AGBL4: variants seen among roughly 807,000 people sequenced by gnomAD.
AGBL4 encodes AGBL carboxypeptidase 4, also known as cytosolic carboxypeptidase 6.
In AGBL4, 58 loss-of-function variants were observed where a neutral mutation model predicts 66.4. The observed-to-expected ratio is 0.87, with a 90% CI of 0.71 to 1.09. The LOEUF is 1.09. Among genes scored for constraint, AGBL4 ranks in the 50% least tolerant of loss-of-function variants. The pLI, the probability that AGBL4 is intolerant of heterozygous loss-of-function variation, is 0.00. For missense variants in AGBL4, 579 were observed against 631.0 expected (o/e 0.92, Z 0.88); for synonymous variants, 234 against 222.9 (o/e 1.05, Z -0.44).
chr1:49,552,631 T>C (rs769251723), intron 3 of AGBL4, among the ~76,000 whole-genome samples: 3 of 152,230 alleles, frequency 2.0e-5, no homozygotes, highest in Non-Finnish European at 4.4e-5. Flanking sequence ...ACCTTCACAG[T>C]TGTGGTACTC....
At chr1:49,896,781 C>T (rs557615224) in intron 1 of AGBL4, among the ~76,000 whole-genome samples, 11 of 152,018 alleles carry the variant, frequency 7.2e-5, no homozygotes, top group Non-Finnish European at 1.3e-4. Flanking sequence ...GGATTTCTCC[C>T]TGGGAAGCAA....
intron 5 of AGBL4, among the ~76,000 whole-genome samples, chr1:49,010,566 C>T (rs1470733523): frequency 3.6e-5 from 5 of 139,526 alleles, no homozygotes; most frequent in Admixed American, 3.0e-4. Flanking sequence ...GAGCTCGCAT[C>T]GCCAAGTCAA....
At chr1:49,231,554 A>G (rs1046743218) in intron 4 of AGBL4, among the ~76,000 whole-genome samples, 14 of 152,200 alleles carry the variant, frequency 9.2e-5, no homozygotes, top group Admixed American at 8.5e-4. Flanking sequence ...TCTTTGGGAG[A>G]TGCAGAAAGT....
In AGBL4 at chr1:49,323,763, C is replaced by T. The variant is rs1231801901; in HGVS notation, c.283-77899G>A. On this transcript the variant is annotated intron_variant, in intron 3 of 13. Transcript: ENST00000371839. ...CAGCCTGGGTGGCAGAGCGAGGCCC[C>T]GTTTCAGAAAAAAAAAAAAAGCCCC... Among the ~76,000 whole-genome samples the T allele has an allele frequency of 5.4e-5, 8 of 149,160 alleles. 1 individual carries two copies. The highest frequency in any genetic ancestry group is 1.7e-4 in the African/African-American group (7 of 40,082).
At chr1:49,539,592 G>T (rs1011007728) in intron 3 of AGBL4, among the ~76,000 whole-genome samples, 2 of 152,084 alleles carry the variant, frequency 1.3e-5, no homozygotes, top group Non-Finnish European at 2.9e-5. Flanking sequence ...CTTCCTACTG[G>T]ATTACTCAGG....
At chr1:48,762,296 C>T (rs533740620) in intron 6 of AGBL4, among the ~76,000 whole-genome samples, 15 of 152,314 alleles carry the variant, frequency 9.8e-5, no homozygotes, top group African/African-American at 3.6e-4. Flanking sequence ...ATTCTTTAAG[C>T]TCAACCTAAG....
intron 3 of AGBL4, among the ~76,000 whole-genome samples, chr1:49,335,821 C>A (rs867782475): frequency 2.0e-5 from 3 of 152,202 alleles, no homozygotes; most frequent in Middle Eastern, 3.4e-3. Flanking sequence ...GGCCTAAAAT[C>A]TGAACTTTTT....
chr1:48,828,745 C>T (rs972879264), intron 6 of AGBL4, among the ~76,000 whole-genome samples: 1 of 152,168 alleles, frequency 6.6e-6, no homozygotes, highest in Non-Finnish European at 1.5e-5. Context: ...AGTTAAAATC[C>T]ATTACTTAGC....
chr1:49,934,308 T>C (rs1048287092), intron 1 of AGBL4, among the ~76,000 whole-genome samples: 5 of 152,028 alleles, frequency 3.3e-5, no homozygotes, highest in African/African-American at 1.2e-4. Context: ...AAGAGACATA[T>C]TCAAACATTT....
At chr1:49,501,467 T>A (rs1375792069) in intron 3 of AGBL4, among the ~76,000 whole-genome samples, 2 of 152,130 alleles carry the variant, frequency 1.3e-5, no homozygotes, top group African/African-American at 2.4e-5. Context: ...TCTTTTGTGA[T>A]CCTCTGCATT....
intron 3 of AGBL4, among the ~76,000 whole-genome samples, chr1:49,260,273 C>G (rs966684948): frequency 2.0e-5 from 3 of 151,374 alleles, no homozygotes; most frequent in Admixed American, 6.6e-5. Flanking sequence ...CAAACACATT[C>G]AAAAGCTAGC....
intron 8 of AGBL4, among the ~76,000 whole-genome samples, chr1:48,646,064 G>A (rs1232640726): frequency 6.6e-6 from 1 of 152,144 alleles, no homozygotes; most frequent in South Asian, 2.1e-4. Context: ...GAAGTTACAT[G>A]CTGGCAGCTT....
intron 3 of AGBL4, among the ~76,000 whole-genome samples, chr1:49,691,005 A>C (rs986007246): frequency 6.6e-6 from 1 of 152,118 alleles, no homozygotes; most frequent in African/African-American, 2.4e-5. Flanking sequence ...ATTCTTAACT[A>C]GTACATTTTG....
intron 3 of AGBL4, among the ~76,000 whole-genome samples, chr1:49,679,088 G>A (rs977485411): frequency 4.6e-5 from 7 of 152,150 alleles, no homozygotes; most frequent in African/African-American, 1.7e-4. Context: ...GTTTTAAGTC[G>A]TTGATGATTT....
intron 3 of AGBL4, among the ~76,000 whole-genome samples, chr1:49,596,017 G>A (rs971441716): frequency 1.4e-4 from 21 of 152,040 alleles, no homozygotes; most frequent in African/African-American, 4.3e-4. Context: ...TAGCTTGTAC[G>A]TTATTGTATG....
intron 4 of AGBL4, among the ~76,000 whole-genome samples, chr1:49,076,842 C>G (rs1360033678): frequency 6.6e-6 from 1 of 152,128 alleles, no homozygotes; most frequent in African/African-American, 2.4e-5. Flanking sequence ...AGGAAACAAG[C>G]ATTTGCCTCA....
chr1:49,248,208 AAAT>A (rs1042916806), intron 3 of AGBL4, among the ~76,000 whole-genome samples: 10 of 152,322 alleles, frequency 6.6e-5, no homozygotes, highest in African/African-American at 2.4e-4. Context: ...GTAACCACGA[AAAT>A]AATAATAATT....
At chr1:49,714,564 A>C (rs1336512594) in intron 2 of AGBL4, among the ~76,000 whole-genome samples, 16 of 106,562 alleles carry the variant, frequency 1.5e-4, no homozygotes, top group South Asian at 1.0e-3. Context: ...GTTGAGTAGT[A>C]TTTACATATA....
chr1:49,396,211 G>A (rs1644971211), intron 3 of AGBL4, among the ~76,000 whole-genome samples: 1 of 151,888 alleles, frequency 6.6e-6, no homozygotes, highest in South Asian at 2.1e-4. Context: ...AAAGCATCTT[G>A]GAATGTGTGT....
Sources: gnomAD v4.1 joint callset for allele counts (sites outside exome capture counted in the v4.1 genomes callset) on GRCh38, gnomAD v4.1.1 for gene constraint, MANE v1.5 for transcripts, NCBI Gene and HGNC (gene_info 2026-07-23, HGNC 2026-07-21) for gene names.